Variants in CPLANE1 observed in about 807,000 individuals in gnomAD.
The protein encoded by CPLANE1 is ciliogenesis and planar polarity effector 1.
Under a neutral mutation model 362.5 loss-of-function variants are expected in CPLANE1, and 263 were observed. The observed-to-expected ratio is 0.73, with a 90% CI of 0.66 to 0.80. The LOEUF (loss-of-function observed/expected upper bound fraction) is 0.80. CPLANE1 is among the 30% of genes least tolerant of loss of function. The probability of loss-of-function intolerance (pLI) is 0.00; values close to 1 mark genes in which losing one functional copy is unlikely to be tolerated. For missense variants in CPLANE1, 3,461 were observed against 3,793.4 expected (o/e 0.91, Z 2.30); for synonymous variants, 1,212 against 1,302.6 (o/e 0.93, Z 1.50).
Position 37,148,273 on chromosome 5 carries a change from A to G in CPLANE1, c.8374-5T>C. The stretch of plus-strand genomic sequence containing the variant: ...AATGTGATCCACTGGTCCAATCTGT[A>G]GAAAAAACACACACAACAAAACAAC... On this transcript the variant is annotated splice_polypyrimidine_tract_variant and splice_region_variant and intron_variant, in intron 42 of 52. Coordinates refer to ENST00000651892, the MANE Select transcript of CPLANE1 (RefSeq NM_001384732.1). 1 of 1,590,610 alleles carries G rather than the reference A, an allele frequency of 6.3e-7. No individual in the cohort carries two copies. The highest frequency in any genetic ancestry group is 8.6e-7 in the Non-Finnish European group (1 of 1,162,372).
chr5:37,082,362 C>T, the CPLANE1 span, among the ~76,000 whole-genome samples: 1 of 151,990 alleles, frequency 6.6e-6, no homozygotes, highest in Non-Finnish European at 1.5e-5. Flanking sequence ...TCACAAAAGA[C>T]CACAAATAGC....
chr5:37,227,389 T>G lies in CPLANE1; in HGVS notation c.1375A>C (p.Lys459Gln). 1 of 1,527,048 alleles carries G rather than the reference T, an allele frequency of 6.5e-7. No individual in the cohort carries two copies. Among genetic ancestry groups the G allele is most frequent in the South Asian group, 1.3e-5 (1 of 78,838 alleles). 94.6% of individuals were successfully genotyped at this position (1,527,048 alleles called of 1,614,324 possible). The change falls in exon 11 of 53, where the codon AAA becomes CAA. Residue 459 changes from lysine (K) to glutamine (Q), a missense_variant. Transcript: ENST00000651892. ...GATCGCAAGTTCAGTCCTTTGCCTTTTGGCTAAAGAAGAAAAGATGAAAGA... is the reference window on the plus strand; with the variant it reads ...GATCGCAAGTTCAGTCCTTTGCCTTGTGGCTAAAGAAGAAAAGATGAAAGA... The part of the protein sequence containing the change: ...IYQSVILSKP[K>Q]GKGLNLRSLN...
intron 4 of CPLANE1, 35 bp from the exon 5 acceptor site, chr5:37,244,642 G>A (rs1208810613): frequency 1.6e-6 from 2 of 1,254,580 alleles, no homozygotes; most frequent in African/African-American, 3.1e-5. Flanking sequence ...TTAAGCCTCT[G>A]AAGTCTGAAT....
intron 51 of CPLANE1, among the ~76,000 whole-genome samples, chr5:37,110,951 G>C (rs1373194645): frequency 2.0e-5 from 3 of 150,758 alleles, no homozygotes; most frequent in African/African-American, 4.9e-5. Context: ...GGGACTACGG[G>C]CACCCGCCAC....
chr5:37,140,794 C>T (rs1047632268), intron 44 of CPLANE1: 1 of 985,216 alleles, frequency 1.0e-6, no homozygotes, highest in African/African-American at 1.7e-5. Context: ...TAACCCACGG[C>T]CACAGTACCT....
chr5:37,204,794 G>A (rs2150109266), intron 18 of CPLANE1, among the ~76,000 whole-genome samples: 1 of 150,838 alleles, frequency 6.6e-6, no homozygotes, highest in East Asian at 1.9e-4. Context: ...AAATCATTCA[G>A]TTATCAACCC....
Position 37,107,587 on chromosome 5 carries a change from AATGAT to A in CPLANE1, c.*10_*14del, listed in dbSNP as rs776870815. 17 of 1,595,378 alleles carry A rather than the reference AATGAT, an allele frequency of 1.1e-5. No individual in the cohort carries two copies. Among genetic ancestry groups the A allele is most frequent in the South Asian group, 2.2e-5 (2 of 89,290 alleles). On this transcript the variant is annotated 3_prime_UTR_variant, in exon 53 of 53. Transcript: ENST00000651892. ...GGTGCTGGCCTGTGCATGGAAACCC[AATGAT>A]ATCCAGGTCTTACAGGTCCAGGGCC...
At chr5:37,137,437 A>T (rs1357099042) in intron 46 of CPLANE1, among the ~76,000 whole-genome samples, 1 of 151,868 alleles carries the variant, frequency 6.6e-6, no homozygotes, top group Non-Finnish European at 1.5e-5. Context: ...AACTGTTCCA[A>T]CCTCTGCCTG....
intron 47 of CPLANE1, among the ~76,000 whole-genome samples, chr5:37,123,807 T>C (rs1763364368): frequency 6.6e-6 from 1 of 152,156 alleles, no homozygotes; most frequent in Non-Finnish European, 1.5e-5. Context: ...ATTACAGACA[T>C]GAGCCACTAT....
intron 50 of CPLANE1, among the ~76,000 whole-genome samples, chr5:37,119,283 T>C (rs1761948232): frequency 6.6e-6 from 1 of 152,134 alleles, no homozygotes; most frequent in African/African-American, 2.4e-5. Flanking sequence ...CTTGATTTGT[T>C]CAAATGCCTA....
intron 42 of CPLANE1, among the ~76,000 whole-genome samples, chr5:37,151,626 G>A (rs1336510017): frequency 6.6e-6 from 1 of 152,220 alleles, no homozygotes; most frequent in African/African-American, 2.4e-5. Flanking sequence ...ATATCTGGCT[G>A]TAGATAATGA....
At position 37,184,903 on chromosome 5, in the gene CPLANE1, T is replaced by C. The variant is rs1783578053; in HGVS notation, c.4366A>G (p.Ser1456Gly). The change falls in exon 25 of 53, where the codon AGT (serine) becomes GGT (glycine). Residue 1456 changes from serine to glycine, a missense_variant. Ser to Gly is a moderately conservative substitution (Grantham distance 56, BLOSUM62 0). This residue lies in a region of CPLANE1 where 3,380 missense variants were observed against 3,666.1 expected (regional missense o/e 0.92). Coordinates refer to ENST00000651892, the MANE Select transcript of CPLANE1 (RefSeq NM_001384732.1). ...TCTGTGAGTGTACTTCTGCTCAAAC[T>C]AGTCCCCAGGGAATATCTGTCAACA... Reference protein sequence around the residue: ...PGVDRYSLGTSLSRSTLTELG... With the variant: ...PGVDRYSLGTGLSRSTLTELG... 2.5e-6 allele frequency: 4 copies of C among 1,614,058 alleles called. No homozygotes were observed. In the Admixed American group the frequency reaches 5.0e-5, roughly 20 times the overall value.
At chr5:37,232,925 G>A (rs1372401709) in intron 8 of CPLANE1, among the ~76,000 whole-genome samples, 1 of 151,662 alleles carries the variant, frequency 6.6e-6, no homozygotes, top group Non-Finnish European at 1.5e-5. Flanking sequence ...TCCATGGAGA[G>A]GAACCATGGA....
chr5:37,155,034 T>A (rs553504516), intron 41 of CPLANE1, among the ~76,000 whole-genome samples: 6 of 152,336 alleles, frequency 3.9e-5, no homozygotes, highest in Admixed American at 3.9e-4. Context: ...TTCTACCTGC[T>A]AAACACCTAC....
Position 37,138,806 on chromosome 5 carries a change from A to AAG in CPLANE1, c.8705_8706insCT (p.Ala2903LeufsTer9), listed in dbSNP as rs775070640. On this transcript the variant is annotated frameshift_variant, in exon 46 of 53. Transcript: ENST00000651892. LOFTEE classifies it high-confidence loss of function. ...TTATAAGGTCATCAATAATGTCTGC[A>AAG]ATATCAGTCAATCCAGTCATCTGGA... is the stretch of plus-strand genomic sequence containing the variant. 3 of 1,612,642 alleles carry AAG rather than the reference A, an allele frequency of 1.9e-6. No individual in the cohort carries two copies. In the African/African-American group the frequency reaches 4.0e-5, roughly 22 times the overall value.
chr5:37,206,331 T>C lies in CPLANE1; in HGVS notation c.3015A>G (p.Ala1005=). ...NLSNVWTVEY[A]LELLFIGGLV... ...GGCCACCAATAAATAGTAATTCAAG[T>C]GCATATTCAACTGTCCACACATTAG... The change falls in exon 17 of 53, where the codon GCA becomes GCG. Residue 1005 remains alanine, a synonymous_variant. Transcript: ENST00000651892. 5 of 1,551,576 alleles carry C rather than the reference T, an allele frequency of 3.2e-6. No individual in the cohort carries two copies. The highest frequency in any genetic ancestry group is 3.5e-6 in the Non-Finnish European group (4 of 1,146,838).
In CPLANE1 at chr5:37,108,368, C is replaced by T. The variant is rs1332394731; in HGVS notation, c.9504G>A (p.Glu3168=). ...KQVCVEYERE[E]TVVSPWTIPS... is the part of the protein sequence containing the mutation. ...GTATCGTCCAGGGACTCACCACAGT[C>T]TCCTCTCTTTCATACTCTACACACA... The change falls in exon 52 of 53, where the codon GAG becomes GAA. Residue 3168 remains glutamate (E), a synonymous_variant. Transcript: ENST00000651892. 2.5e-6 allele frequency: 4 copies of T among 1,614,052 alleles called. No individual in the cohort carries two copies. The African/African-American group carries it at 5.3e-5, about 22-fold the overall frequency.
At chr5:37,080,427 C>G in the CPLANE1 span, among the ~76,000 whole-genome samples, 22 of 152,300 alleles carry the variant, frequency 1.4e-4, no homozygotes, top group Middle Eastern at 3.4e-3. Flanking sequence ...CAGAGGCTAG[C>G]TCATAATTTG....
At chr5:37,221,572 G>A (rs1422212735) in intron 14 of CPLANE1, 84 bp from the exon 15 acceptor site, 6 of 930,068 alleles carry the variant, frequency 6.5e-6, no homozygotes, top group Non-Finnish European at 8.8e-6. Context: ...GGAGTGTGTA[G>A]TTTGTGAAAA....
Sources: allele counts gnomAD v4.1 joint callset (sites outside exome capture counted in the v4.1 genomes callset), GRCh38; gene constraint gnomAD v4.1.1; regional missense constraint gnomAD v4.1.1; transcripts MANE v1.5; gene names NCBI Gene and HGNC (gene_info 2026-07-23, HGNC 2026-07-21).